Variants in GGACT observed in about 807,000 individuals in gnomAD.
GGACT encodes the protein gamma-glutamylaminecyclotransferase.
For missense variants in GGACT, 241 were observed against 233.2 expected (o/e 1.03, Z -0.22); for synonymous variants, 118 against 115.3 (o/e 1.02, Z -0.15).
intron 1 of GGACT, among the ~76,000 whole-genome samples, chr13:100,585,779 G>GA (rs71121120): frequency 2.0e-3 from 99 of 50,084 alleles, no homozygotes; most frequent in Admixed American, 2.6e-3. Flanking sequence ...TCTCAGGAAG[G>GA]AAAAAAAAAA....
Position 100,530,756 on chromosome 13 carries a change from C to T in GGACT, c.*1374G>A, listed in dbSNP as rs1412618171. The T allele has an allele frequency of 5.9e-6, 1 of 170,226 alleles. No homozygotes were observed. Among genetic ancestry groups the T allele is most frequent in the African/African-American group, 2.4e-5 (1 of 41,568 alleles). The allele number at this position is 170,226 out of a possible 1,614,324, so 10.5% of individuals were successfully genotyped here. A position where few individuals can be genotyped will look rare whatever the true frequency, so the allele number is the denominator to read the frequency against. ...TGGTGGCTGACTCCCCTGGAGGTCA[C>T]CCTGAAGCTTCCTGGTTGGCCGGGG... On this transcript the variant is annotated 3_prime_UTR_variant, in exon 3 of 3. Coordinates refer to ENST00000683975, the MANE Select transcript of GGACT (RefSeq NM_001195087.2).
intron 2 of GGACT, among the ~76,000 whole-genome samples, chr13:100,567,577 G>T (rs1243147630): frequency 6.6e-6 from 1 of 152,214 alleles, no homozygotes; most frequent in Non-Finnish European, 1.5e-5. Context: ...TGGGTGCAGG[G>T]TGTGCTGTCT....
intron 2 of GGACT, among the ~76,000 whole-genome samples, chr13:100,550,441 C>T (rs1566532623): frequency 6.6e-6 from 1 of 151,342 alleles, no homozygotes; most frequent in African/African-American, 2.4e-5. Flanking sequence ...CACACACACA[C>T]ACACACACAC....
At chr13:100,584,148 T>C (rs1875497593) in intron 1 of GGACT, among the ~76,000 whole-genome samples, 151 bp from the exon 2 acceptor site, 1 of 152,156 alleles carries the variant, frequency 6.6e-6, no homozygotes, top group Admixed American at 6.5e-5. Flanking sequence ...ATACTTATAT[T>C]CAGTGCAAAA....
At chr13:100,542,139 T>C (rs1458516753) in intron 2 of GGACT, among the ~76,000 whole-genome samples, 1 of 152,202 alleles carries the variant, frequency 6.6e-6, no homozygotes, top group African/African-American at 2.4e-5. Context: ...CAGGTTCACT[T>C]TGAATCAGAA....
chr13:100,577,908 C>A (rs1217089477), intron 2 of GGACT, among the ~76,000 whole-genome samples: 1 of 151,896 alleles, frequency 6.6e-6, no homozygotes, highest in African/African-American at 2.4e-5. Context: ...CTGCAGGAAC[C>A]AAATTCAAGG....
intron 2 of GGACT, among the ~76,000 whole-genome samples, chr13:100,546,361 C>CA (rs778470021): frequency 0.054 from 2,866 of 53,086 alleles, 131 homozygotes; most frequent in African/African-American, 0.1. Context: ...GACTCTGTCT[C>CA]AAAAAAAAAA....
At chr13:100,549,320 C>G (rs917579081) in intron 2 of GGACT, among the ~76,000 whole-genome samples, 2 of 152,198 alleles carry the variant, frequency 1.3e-5, no homozygotes, top group Admixed American at 6.5e-5. Context: ...GCCTGGGCAA[C>G]GAGTGAAACT....
At chr13:100,553,826 G>T (rs981204078) in intron 2 of GGACT, among the ~76,000 whole-genome samples, 2 of 122,152 alleles carry the variant, frequency 1.6e-5, no homozygotes, top group Non-Finnish European at 3.2e-5. Context: ...CGGGGGTGAC[G>T]AAGCGAGACT....
chr13:100,542,067 A>C (rs2088559693), intron 2 of GGACT, among the ~76,000 whole-genome samples: 1 of 152,196 alleles, frequency 6.6e-6, no homozygotes, highest in Non-Finnish European at 1.5e-5. Context: ...ATGGGGACTG[A>C]GCCAGGATCA....
intron 1 of GGACT, among the ~76,000 whole-genome samples, chr13:100,587,567 G>A (rs1875617180): frequency 6.6e-6 from 1 of 152,236 alleles, no homozygotes; most frequent in Admixed American, 6.5e-5. Flanking sequence ...CTTCATCTGA[G>A]CATTTCAATA....
chr13:100,582,976 T>C (rs1451135817), intron 2 of GGACT, among the ~76,000 whole-genome samples: 4 of 152,208 alleles, frequency 2.6e-5, no homozygotes, highest in African/African-American at 9.6e-5. Flanking sequence ...AAGATATAAC[T>C]TCCCCCTGCT....
chr13:100,560,207 G>A (rs1412925312), intron 2 of GGACT, among the ~76,000 whole-genome samples: 4 of 152,098 alleles, frequency 2.6e-5, no homozygotes, highest in African/African-American at 4.8e-5. Context: ...ATCAAGATTC[G>A]TTGACCCTTT....
chr13:100,577,992 G>A (rs1009362305), intron 2 of GGACT, among the ~76,000 whole-genome samples: 3 of 152,106 alleles, frequency 2.0e-5, no homozygotes, highest in African/African-American at 4.8e-5. Flanking sequence ...CCAGGGGTTC[G>A]TTATTTACTC....
At chr13:100,536,114 G>C (rs180871420) in intron 2 of GGACT, 2 of 152,142 alleles carry the variant, frequency 1.3e-5, no homozygotes, top group Non-Finnish European at 2.9e-5. Flanking sequence ...CTAACTTTCC[G>C]AGTTCTTGCA....
At position 100,532,186 on chromosome 13, in the gene GGACT, T is replaced by C. The variant is rs1566526298; in HGVS notation, c.406A>G (p.Ser136Gly). The change falls in exon 3 of 3, where the codon AGC becomes GGC. Residue 136 changes from serine to glycine, a missense_variant. Coordinates refer to ENST00000683975, the MANE Select transcript of GGACT (RefSeq NM_001195087.2). Reference protein sequence around the residue: ...PEWAQLPHHDSYDSEGPHGLR... With the variant: ...PEWAQLPHHDGYDSEGPHGLR... ...CCGTGCGGCCCCTCGGAGTCGTAGC[T>C]GTCATGGTGCGGGAGCTGGGCCCAC... is the stretch of plus-strand genomic sequence containing the variant. The C allele has an allele frequency of 1.5e-5, 22 of 1,467,560 alleles. No homozygotes were observed. The highest frequency in any genetic ancestry group is 2.0e-5 in the Non-Finnish European group (22 of 1,103,374). The allele number at this position is 1,467,560 out of a possible 1,614,324, so 90.9% of individuals were successfully genotyped here.
rs866784031 is a variant in GGACT at position 100,550,318 on chromosome 13, A to T, written c.-10-17717T>A. On this transcript the variant is annotated intron_variant, in intron 2 of 2. Coordinates refer to ENST00000683975, the MANE Select transcript of GGACT (RefSeq NM_001195087.2). Reference sequence around the variant, plus strand: ...ATACTCTACACACACACACACACACACACACACACACACACACACACACAC... The same window carrying T: ...ATACTCTACACACACACACACACACTCACACACACACACACACACACACAC... Among the ~76,000 whole-genome samples the T allele has an allele frequency of 2.5e-3, 116 of 47,196 alleles. 5 individuals are homozygous for T. Among genetic ancestry groups the T allele is most frequent in the Admixed American group, 4.5e-3 (17 of 3,752 alleles). 31.0% of individuals were successfully genotyped at this position (47,196 alleles called of 152,430 possible).
At chr13:100,581,907 A>G (rs757010253) in intron 2 of GGACT, among the ~76,000 whole-genome samples, 2 of 152,216 alleles carry the variant, frequency 1.3e-5, no homozygotes, top group Non-Finnish European at 2.9e-5. Flanking sequence ...GGCTAAAGCA[A>G]ATAATAAATT....
intron 2 of GGACT, chr13:100,539,493 A>T (rs1173844789): frequency 5.8e-6 from 1 of 173,264 alleles, no homozygotes; most frequent in Non-Finnish European, 1.2e-5. Flanking sequence ...CTGTTAATGT[A>T]GTGTATTACA....
Sources: allele counts gnomAD v4.1 joint callset (sites outside exome capture counted in the v4.1 genomes callset), GRCh38; gene constraint gnomAD v4.1.1; transcripts MANE v1.5; gene names NCBI Gene and HGNC (gene_info 2026-07-23, HGNC 2026-07-21).